Variants in PROM1 observed in about 807,000 individuals in gnomAD.
PROM1 encodes prominin 1.
PROM1 carries 105 observed loss-of-function variants against 116.9 expected under a neutral mutation model. That is an observed-to-expected ratio of 0.90 (90% confidence interval 0.77 to 1.06). The LOEUF (loss-of-function observed/expected upper bound fraction) is 1.06, where lower values mean the gene tolerates loss of function less well. Among genes scored for constraint, PROM1 ranks in the 50% least tolerant of loss-of-function variants. PROM1 has a pLI of 0.00. For synonymous variants in PROM1, 393 were observed against 387.0 expected, an observed-to-expected ratio of 1.02 and a Z score of -0.18; for missense variants, 1,122 against 1,045.2, an observed-to-expected ratio of 1.07 and a Z score of -1.01.
At chr4:16,005,978 C>T (rs1262727913) in intron 13 of PROM1, among the ~76,000 whole-genome samples, 3 of 152,218 alleles carry the variant, frequency 2.0e-5, no homozygotes, top group African/African-American at 7.2e-5. Context: ...GGGACAGTCG[C>T]TCCAGTCTTC....
At chr4:16,045,497 T>C (rs1156478514) in intron 2 of PROM1, among the ~76,000 whole-genome samples, 1 of 152,172 alleles carries the variant, frequency 6.6e-6, no homozygotes, top group Non-Finnish European at 1.5e-5. Flanking sequence ...TGGGCTTGTT[T>C]CTCTTAGCAA....
At position 16,024,347 on chromosome 4, in the gene PROM1, A is replaced by G. The variant is rs368213921; in HGVS notation, c.642T>C (p.Tyr214=). 1.2e-6 allele frequency: 2 copies of G among 1,611,028 alleles called. No individual in the cohort carries two copies. The highest frequency in any genetic ancestry group is 2.7e-5 in the African/African-American group (2 of 74,818). The change falls in exon 7 of 28, where the codon TAT becomes TAC. Residue 214 remains tyrosine, a synonymous_variant. Coordinates refer to ENST00000447510, the MANE Select transcript of PROM1 (RefSeq NM_006017.3). ...LLNETPEQIK[Y]ILAQYNTTKD... is the part of the protein sequence containing the mutation. ...TGGTAGTGTTGTACTGGGCCAATAT[A>G]TATTTGATTTGCTGAAAAAAGAACA...
rs1453193602 is a variant in PROM1, at chr4:15,970,972, T to C, written c.*24+71A>G. 7 of 1,178,314 alleles carry C rather than the reference T, an allele frequency of 5.9e-6. No homozygotes were observed. The Admixed American group carries it at 1.4e-4, about 23-fold the overall frequency. 73.0% of individuals were successfully genotyped at this position (1,178,314 alleles called of 1,614,324 possible). ...AATGTGGCAATGTATTAGGAATAGC[T>C]ATGTTTTGATGTTCTAAAAACTAAA... is the stretch of plus-strand genomic sequence containing the variant. On this transcript the variant is annotated intron_variant, in intron 27 of 27. Transcript: ENST00000447510.
intron 2 of PROM1, among the ~76,000 whole-genome samples, chr4:16,046,673 T>A (rs1016277711): frequency 6.6e-6 from 1 of 152,218 alleles, no homozygotes; most frequent in African/African-American, 2.4e-5. Context: ...GACATACAAA[T>A]ACACATGCAT....
intron 5 of PROM1, among the ~76,000 whole-genome samples, chr4:16,032,866 A>C (rs1043492237): frequency 6.6e-6 from 1 of 152,258 alleles, no homozygotes; most frequent in Admixed American, 6.5e-5. Flanking sequence ...AATATTTTCA[A>C]ATTTCCAAAT....
At chr4:16,079,892 C>T (rs1744676013) in intron 1 of PROM1, 1 of 151,768 alleles carries the variant, frequency 6.6e-6, no homozygotes, top group Non-Finnish European at 1.5e-5. Context: ...TTGAATTGAT[C>T]TACCCCAGCT....
intron 10 of PROM1, 24 bp downstream of exon 10, chr4:16,016,142 A>G: frequency 6.5e-7 from 1 of 1,529,396 alleles, no homozygotes; most frequent in South Asian, 1.2e-5. Context: ...AAAATCAGTG[A>G]TTGTATTTTT....
At chr4:16,002,029 A>AGAAGG (rs970158998) in intron 13 of PROM1, among the ~76,000 whole-genome samples, 1 of 152,098 alleles carries the variant, frequency 6.6e-6, no homozygotes, top group African/African-American at 2.4e-5. Context: ...CACTGCAGAG[A>AGAAGG]AGGGATGGAT....
intron 26 of PROM1, among the ~76,000 whole-genome samples, chr4:15,977,842 C>A (rs1032936881): frequency 2.6e-5 from 4 of 152,242 alleles, no homozygotes; most frequent in Admixed American, 1.3e-4. Flanking sequence ...TCGTGATCCA[C>A]CCGCCTCGGC....
chr4:16,075,659 C>T, intron 2 of PROM1, 28 bp downstream of exon 2: 1 of 1,580,012 alleles, frequency 6.3e-7, no homozygotes, highest in Non-Finnish European at 8.6e-7. Context: ...GGAGATAAAT[C>T]CTATCTTTCC....
intron 2 of PROM1, among the ~76,000 whole-genome samples, chr4:16,064,101 T>A (rs942876622): frequency 2.0e-5 from 3 of 152,186 alleles, no homozygotes; most frequent in Non-Finnish European, 4.4e-5. Context: ...TACCCCATCG[T>A]GCAGCAATTC....
intron 26 of PROM1, 65 bp from the exon 27 acceptor site, chr4:15,971,147 C>T: frequency 7.2e-7 from 1 of 1,384,044 alleles, no homozygotes; most frequent in Non-Finnish European, 9.9e-7. Flanking sequence ...TTCATCACCT[C>T]TGTGCTAAGA....
chr4:16,060,322 TC>T (rs1553926733), intron 2 of PROM1, among the ~76,000 whole-genome samples: 2 of 151,500 alleles, frequency 1.3e-5, no homozygotes, highest in Non-Finnish European at 2.9e-5. Flanking sequence ...TTTTTTTTTT[TC>T]CTTTGGGACA....
chr4:16,006,561 G>A lies in PROM1; in HGVS notation c.1431C>T (p.Asn477=). The A allele has an allele frequency of 1.3e-6, 2 of 1,599,308 alleles. No individual in the cohort carries two copies. The highest frequency in any genetic ancestry group is 3.5e-4 in the Middle Eastern group (2 of 5,792). Residue 477 remains asparagine, a synonymous_variant, in exon 13 of 28, where the codon AAC becomes AAT. Coordinates refer to ENST00000447510, the MANE Select transcript of PROM1 (RefSeq NM_006017.3). The stretch of plus-strand genomic sequence containing the variant: ...ACACCATGAGGAAGACGCCTCCGGT[G>A]TTGGAGACACAGCCTCGGGTGGTCG... The part of the protein sequence containing the change: ...ATPTTRGCVS[N]TGGVFLMVGV...
At chr4:15,983,276 T>C (rs1369547015) in intron 23 of PROM1, among the ~76,000 whole-genome samples, 2 of 152,186 alleles carry the variant, frequency 1.3e-5, no homozygotes, top group African/African-American at 4.8e-5. Flanking sequence ...GTAGTGAATA[T>C]TCATTGAGTG....
chr4:16,039,057 C>T, intron 2 of PROM1, 56 bp from the exon 3 acceptor site: 1 of 1,365,620 alleles, frequency 7.3e-7, no homozygotes, highest in Non-Finnish European at 9.6e-7. Flanking sequence ...TTATAAAATG[C>T]ATATTTAGAA....
intron 5 of PROM1, among the ~76,000 whole-genome samples, chr4:16,029,080 T>A (rs1732058447): frequency 6.6e-6 from 1 of 152,132 alleles, no homozygotes; most frequent in Admixed American, 6.5e-5. Flanking sequence ...GCTCTCTTAT[T>A]AAAAAACAGA....
chr4:16,061,536 G>A (rs1740309773), intron 2 of PROM1, among the ~76,000 whole-genome samples: 1 of 152,198 alleles, frequency 6.6e-6, no homozygotes, highest in Non-Finnish European at 1.5e-5. Flanking sequence ...AGATGACATG[G>A]ACATCAGTTC....
At position 15,985,769 on chromosome 4, in the gene PROM1, G is replaced by T; in HGVS notation, c.2271C>A (p.Ile757=). The change falls in exon 22 of 28, where the codon ATC becomes ATA. Residue 757 remains isoleucine, a synonymous_variant. Coordinates refer to ENST00000447510, the MANE Select transcript of PROM1 (RefSeq NM_006017.3). ...IGYFEHYLQW[I]EFSISEKVAS... ...AAGATAAACTACTTACAGAGAACTC[G>T]ATCCACTGCAGATAATGTTCAAAAT... 1 of 1,563,644 alleles carries T rather than the reference G, an allele frequency of 6.4e-7. No individual in the cohort carries two copies. The highest frequency in any genetic ancestry group is 8.8e-7 in the Non-Finnish European group (1 of 1,139,850).
Sources: gnomAD v4.1 joint callset for allele counts (sites outside exome capture counted in the v4.1 genomes callset) on GRCh38, gnomAD v4.1.1 for gene constraint, MANE v1.5 for transcripts, NCBI Gene and HGNC (gene_info 2026-07-23, HGNC 2026-07-21) for gene names.